PRKCB: variants seen among roughly 807,000 people sequenced by gnomAD.
PRKCB encodes protein kinase C beta, also known as protein kinase C beta type.
PRKCB carries 13 observed loss-of-function variants against 81.5 expected under a neutral mutation model. That is an observed-to-expected ratio of 0.16 (90% confidence interval 0.10 to 0.25). The LOEUF (loss-of-function observed/expected upper bound fraction) is 0.25. PRKCB is among the 10% of genes least tolerant of loss of function. The pLI is 1.00. For missense variants in PRKCB, 509 were observed against 875.7 expected, an observed-to-expected ratio of 0.58 and a Z score of 5.29; for synonymous variants, 335 against 321.4, an observed-to-expected ratio of 1.04 and a Z score of -0.45.
chr16:23,899,219 C>G (rs1963426794), intron 2 of PRKCB, among the ~76,000 whole-genome samples: 1 of 152,218 alleles, frequency 6.6e-6, no homozygotes, highest in African/African-American at 2.4e-5. Flanking sequence ...CCAGCCACAG[C>G]TTGGCTTTCA....
intron 13 of PRKCB, among the ~76,000 whole-genome samples, chr16:24,181,792 G>GAAAAAAAA (rs1967629427): frequency 2.6e-5 from 1 of 38,138 alleles, no homozygotes; most frequent in Non-Finnish European, 5.2e-5. Context: ...AAAAAAAAAA[G>GAAAAAAAA]AAGAAGAATG....
In PRKCB at chr16:24,022,539, TG is replaced by T. The variant is rs369345764; in HGVS notation, c.289-9595del. On this transcript the variant is annotated intron_variant, in intron 3 of 16. Transcript: ENST00000643927. ...CAGAGTCTCGCTCTGTTGCCCAGGC[TG>T]GAGTGCAGTGGTGCGATCTCAGCTC... 5.6e-3 allele frequency among the ~76,000 whole-genome samples: 860 copies of T among 152,308 alleles called. 8 individuals carry two copies. Among genetic ancestry groups the T allele is most frequent in the South Asian group, 0.02 (97 of 4,820 alleles).
chr16:24,128,459 A>G (rs1177854022), intron 9 of PRKCB, among the ~76,000 whole-genome samples: 1 of 152,268 alleles, frequency 6.6e-6, no homozygotes, highest in African/African-American at 2.4e-5. Flanking sequence ...CCCTGTAAAA[A>G]TGAAACAAGG....
At chr16:24,168,511 A>G (rs1264030535) in intron 10 of PRKCB, among the ~76,000 whole-genome samples, 1 of 123,900 alleles carries the variant, frequency 8.1e-6, no homozygotes, top group Non-Finnish European at 1.8e-5. Context: ...TTTCCATTTC[A>G]TCATTTCATT....
chr16:24,118,816 C>T (rs572625925), intron 8 of PRKCB, among the ~76,000 whole-genome samples: 10 of 152,092 alleles, frequency 6.6e-5, no homozygotes, highest in Non-Finnish European at 1.3e-4. Flanking sequence ...TTAAAATGTT[C>T]GCTCTTTGAT....
intron 2 of PRKCB, among the ~76,000 whole-genome samples, chr16:23,943,241 G>A (rs1406817332): frequency 6.6e-6 from 1 of 152,188 alleles, no homozygotes; most frequent in Non-Finnish European, 1.5e-5. Context: ...TCACATATGT[G>A]TGGCCAGGCA....
At chr16:24,174,892 C>T (rs77916314) in intron 12 of PRKCB, 1 of 270,968 alleles carries the variant, frequency 3.7e-6, no homozygotes. Flanking sequence ...GCTTGTGGAC[C>T]CTACATTTGA....
At chr16:23,955,270 G>A (rs1355302431) in intron 2 of PRKCB, among the ~76,000 whole-genome samples, 1 of 152,072 alleles carries the variant, frequency 6.6e-6, no homozygotes, top group Non-Finnish European at 1.5e-5. Context: ...AAAGGATGAA[G>A]AGAAGCAGTT....
At chr16:24,119,768 AC>A (rs1040535132) in intron 8 of PRKCB, among the ~76,000 whole-genome samples, 4 of 151,060 alleles carry the variant, frequency 2.6e-5, no homozygotes, top group African/African-American at 9.8e-5. Flanking sequence ...AGTTTTAACT[AC>A]CCCCTCGTTG....
intron 2 of PRKCB, among the ~76,000 whole-genome samples, chr16:23,862,219 G>C (rs1962680332): frequency 2.0e-5 from 3 of 152,198 alleles, no homozygotes; most frequent in Admixed American, 2.0e-4. Flanking sequence ...ACAGTAGACT[G>C]TCTCTGGGAC....
intron 2 of PRKCB, among the ~76,000 whole-genome samples, chr16:23,875,338 C>T (rs1186535966): frequency 6.6e-6 from 1 of 151,964 alleles, no homozygotes; most frequent in Non-Finnish European, 1.5e-5. Context: ...CATGCCCAGC[C>T]TCTCTGTGTC....
intron 2 of PRKCB, among the ~76,000 whole-genome samples, chr16:23,870,002 A>G (rs1249978927): frequency 1.3e-5 from 2 of 150,380 alleles, no homozygotes; most frequent in African/African-American, 2.5e-5. Flanking sequence ...AGCCTGGGCG[A>G]CAGAGTGAGA....
In PRKCB at chr16:24,062,038, C is replaced by G. The variant is rs150132153; in HGVS notation, c.529+26491C>G. Among the ~76,000 whole-genome samples the G allele has an allele frequency of 6.2e-3, 941 of 152,246 alleles. 11 individuals are homozygous for G. The highest frequency in any genetic ancestry group is 0.022 in the African/African-American group (903 of 41,522). ...GGAGCACTGCCTCATGGTTCACACC[C>G]CTGGTATCCCAACCCACTGCTATGT... On this transcript the variant is annotated intron_variant, in intron 5 of 16. Coordinates refer to ENST00000643927, the MANE Select transcript of PRKCB (RefSeq NM_002738.7).
In PRKCB at chr16:24,173,128, G is replaced by A. The variant is rs569486453; in HGVS notation, c.1331+767G>A. Reference sequence around the variant, plus strand: ...TCTTAGATGCCTTCACTCCATGGGGGTGAAGGATCAAGGTGCTCGGTGGCA... The same window carrying A: ...TCTTAGATGCCTTCACTCCATGGGGATGAAGGATCAAGGTGCTCGGTGGCA... On this transcript the variant is annotated intron_variant, in intron 11 of 16. Transcript: ENST00000643927. Among the ~76,000 whole-genome samples, 5 of 152,202 alleles carry A rather than the reference G, an allele frequency of 3.3e-5. 1 individual carries two copies. The East Asian group carries it at 9.7e-4, about 29-fold the overall frequency.
intron 2 of PRKCB, among the ~76,000 whole-genome samples, chr16:23,967,935 G>A (rs141307146): frequency 7.0e-4 from 107 of 152,328 alleles, no homozygotes; most frequent in African/African-American, 2.1e-3. Flanking sequence ...GATTATAGGC[G>A]TGAGCCACTG....
chr16:24,192,695 T>C (rs1303753286), intron 16 of PRKCB, among the ~76,000 whole-genome samples: 1 of 152,194 alleles, frequency 6.6e-6, no homozygotes, highest in African/African-American at 2.4e-5. Context: ...GTGCTGTCTA[T>C]CAGTATGCAG....
chr16:24,166,507 G>A (rs1008743349), intron 10 of PRKCB, among the ~76,000 whole-genome samples: 8 of 152,028 alleles, frequency 5.3e-5, no homozygotes, highest in African/African-American at 1.9e-4. Context: ...AATCAGGAAC[G>A]TAAGTGCTTA....
intron 3 of PRKCB, among the ~76,000 whole-genome samples, chr16:24,008,672 C>G (rs1965161523): frequency 6.6e-6 from 1 of 152,126 alleles, no homozygotes; most frequent in Non-Finnish European, 1.5e-5. Flanking sequence ...CCCCCCACCC[C>G]CAGTGATCTA....
At chr16:24,090,335 G>T (rs554708677) in intron 5 of PRKCB, among the ~76,000 whole-genome samples, 2 of 152,204 alleles carry the variant, frequency 1.3e-5, no homozygotes, top group East Asian at 1.9e-4. Flanking sequence ...CCGATTCAAT[G>T]CTTCTCCCAT....
Sources: allele counts gnomAD v4.1 joint callset (sites outside exome capture counted in the v4.1 genomes callset), GRCh38; gene constraint gnomAD v4.1.1; transcripts MANE v1.5; gene names NCBI Gene and HGNC (gene_info 2026-07-23, HGNC 2026-07-21).